Variants in MACROD2 observed in about 807,000 individuals in gnomAD.
The protein encoded by MACROD2 is mono-ADP ribosylhydrolase 2, also known as ADP-ribose glycohydrolase MACROD2.
In MACROD2, 36 loss-of-function variants were observed where a neutral mutation model predicts 70.4. That is an observed-to-expected ratio of 0.51 (90% CI 0.39 to 0.68). The LOEUF (loss-of-function observed/expected upper bound fraction) is 0.68, where lower values mean the gene tolerates loss of function less well. MACROD2 is among the 30% of genes least tolerant of loss of function. The pLI is 0.00. For synonymous variants in MACROD2, 172 were observed against 178.8 expected, an observed-to-expected ratio of 0.96 and a Z score of 0.30; for missense variants, 496 against 538.4, an observed-to-expected ratio of 0.92 and a Z score of 0.78.
chr20:16,015,706 T>C (rs1258982152), intron 15 of MACROD2, among the ~76,000 whole-genome samples: 1 of 152,154 alleles, frequency 6.6e-6, no homozygotes, highest in Non-Finnish European at 1.5e-5. Flanking sequence ...TTTAATATTT[T>C]TGTTGCGTTT....
intron 6 of MACROD2, among the ~76,000 whole-genome samples, chr20:15,261,325 C>A (rs191467815): frequency 6.6e-6 from 1 of 151,972 alleles, no homozygotes; most frequent in Admixed American, 6.6e-5. Flanking sequence ...TTCAAAAGGG[C>A]CACTCTAGGA....
At chr20:15,112,721 C>T (rs62202823) in intron 5 of MACROD2, among the ~76,000 whole-genome samples, 15,892 of 152,100 alleles carry the variant, frequency 0.1, 1,043 homozygotes, top group Middle Eastern at 0.19. Flanking sequence ...GTAGTGCGGC[C>T]ACCACCATCT....
intron 8 of MACROD2, among the ~76,000 whole-genome samples, chr20:15,789,395 A>G (rs2051983783): frequency 1.3e-5 from 2 of 152,180 alleles, no homozygotes; most frequent in Admixed American, 1.3e-4. Flanking sequence ...CAGCTGGTCA[A>G]CATTCATATC....
intron 8 of MACROD2, among the ~76,000 whole-genome samples, chr20:15,824,225 C>CT (rs1462718456): frequency 6.6e-6 from 1 of 151,920 alleles, no homozygotes; most frequent in African/African-American, 2.4e-5. Flanking sequence ...ACTGATAAAT[C>CT]ACATATCTTA....
At chr20:15,573,137 T>C (rs2048397744) in intron 8 of MACROD2, among the ~76,000 whole-genome samples, 1 of 152,164 alleles carries the variant, frequency 6.6e-6, no homozygotes, top group Admixed American at 6.6e-5. Context: ...TGTGTTGGCA[T>C]AGTTCATTCC....
At chr20:15,542,638 C>T (rs1266892600) in intron 8 of MACROD2, among the ~76,000 whole-genome samples, 1 of 151,994 alleles carries the variant, frequency 6.6e-6, no homozygotes, top group African/African-American at 2.4e-5. Flanking sequence ...CTATTTCAAA[C>T]ACTTGACTGA....
At position 14,583,928 on chromosome 20, in the gene MACROD2, TC is replaced by T. The variant is rs369118567; in HGVS notation, c.301+90421del. 5.1e-4 allele frequency among the ~76,000 whole-genome samples: 77 copies of T among 152,276 alleles called. No individual in the cohort carries two copies. In the East Asian group the frequency reaches 6.0e-3, roughly 12 times the overall value. ...CCTGAGGCAGTTACCATAGGCATGATCAATCCTCCTCAGAACCAGCCTTTGC... is the reference window on the plus strand; with the variant it reads ...CCTGAGGCAGTTACCATAGGCATGATAATCCTCCTCAGAACCAGCCTTTGC... On this transcript the variant is annotated intron_variant, in intron 4 of 17. Transcript: ENST00000684519.
At chr20:15,214,690 T>G (rs184090369) in intron 5 of MACROD2, among the ~76,000 whole-genome samples, 1 of 152,344 alleles carries the variant, frequency 6.6e-6, no homozygotes, top group Non-Finnish European at 1.5e-5. Context: ...TGTTTAGGAT[T>G]TTTATTGTAT....
intron 4 of MACROD2, among the ~76,000 whole-genome samples, chr20:14,574,755 T>C: frequency 6.6e-6 from 1 of 151,198 alleles, no homozygotes; most frequent in African/African-American, 2.4e-5. Context: ...CTCACGCCTG[T>C]AATCCCAGCA....
chr20:16,009,890 G>C (rs532263819), intron 15 of MACROD2, among the ~76,000 whole-genome samples: 2 of 152,150 alleles, frequency 1.3e-5, no homozygotes, highest in African/African-American at 2.4e-5. Flanking sequence ...CACATTCTCC[G>C]AGAGAAGCAG....
At chr20:14,106,901 C>G (rs961124866) in intron 3 of MACROD2, among the ~76,000 whole-genome samples, 1 of 152,158 alleles carries the variant, frequency 6.6e-6, no homozygotes, top group Non-Finnish European at 1.5e-5. Flanking sequence ...CTTTGAATAC[C>G]TGGAAAGTCT....
At chr20:14,464,448 G>A (rs1032139883) in intron 3 of MACROD2, among the ~76,000 whole-genome samples, 6 of 151,938 alleles carry the variant, frequency 3.9e-5, no homozygotes, top group African/African-American at 1.5e-4. Context: ...AGTCTTGCTA[G>A]CGGTCTATCA....
intron 8 of MACROD2, among the ~76,000 whole-genome samples, chr20:15,541,364 G>C (rs1051876010): frequency 6.6e-6 from 1 of 152,042 alleles, no homozygotes; most frequent in Non-Finnish European, 1.5e-5. Flanking sequence ...ATATTGCCTG[G>C]AAATTTTAAA....
At chr20:14,089,070 G>T (rs1018096098) in intron 3 of MACROD2, among the ~76,000 whole-genome samples, 1 of 152,108 alleles carries the variant, frequency 6.6e-6, no homozygotes, top group Admixed American at 6.5e-5. Context: ...ATATATAAGG[G>T]TATGATGAAT....
At chr20:15,908,581 A>G (rs1315921486) in intron 10 of MACROD2, among the ~76,000 whole-genome samples, 3 of 152,228 alleles carry the variant, frequency 2.0e-5, no homozygotes. Flanking sequence ...TCTGTGATGT[A>G]GTCTCCAAGT....
At chr20:14,860,235 A>G (rs751793833) in intron 5 of MACROD2, among the ~76,000 whole-genome samples, 1 of 152,178 alleles carries the variant, frequency 6.6e-6, no homozygotes, top group Non-Finnish European at 1.5e-5. Flanking sequence ...ATTGAAAAGT[A>G]CATCCCTTAA....
chr20:14,336,032 A>G (rs1433645694), intron 3 of MACROD2, among the ~76,000 whole-genome samples: 5 of 152,118 alleles, frequency 3.3e-5, no homozygotes, highest in African/African-American at 4.8e-5. Context: ...TTCGGAAGAG[A>G]TGAATATTAG....
chr20:14,273,338 A>T (rs1408894727), intron 3 of MACROD2, among the ~76,000 whole-genome samples: 5 of 151,562 alleles, frequency 3.3e-5, no homozygotes, highest in Non-Finnish European at 4.4e-5. Flanking sequence ...GGATTAAGAA[A>T]CTCACTCAAA....
At chr20:15,546,756 T>A (rs1206019823) in intron 8 of MACROD2, among the ~76,000 whole-genome samples, 1 of 152,180 alleles carries the variant, frequency 6.6e-6, no homozygotes, top group African/African-American at 2.4e-5. Flanking sequence ...AGATGACTCT[T>A]CTATCTCCCA....
Sources: allele counts gnomAD v4.1 joint callset (sites outside exome capture counted in the v4.1 genomes callset), GRCh38; gene constraint gnomAD v4.1.1; transcripts MANE v1.5; gene names NCBI Gene and HGNC (gene_info 2026-07-23, HGNC 2026-07-21).